The following PTPN12 variants were observed in gnomAD, a reference collection of about 807,000 sequenced individuals.
PTPN12 encodes the protein protein tyrosine phosphatase non-receptor type 12, also known as tyrosine-protein phosphatase non-receptor type 12.
Under a neutral mutation model 97.6 loss-of-function variants are expected in PTPN12, and 29 were observed. That is an observed-to-expected ratio of 0.30 (90% CI 0.22 to 0.41). The LOEUF (loss-of-function observed/expected upper bound fraction) is 0.41. Among genes scored for constraint, PTPN12 ranks in the 10% least tolerant of loss-of-function variants. PTPN12 has a pLI of 1.00. For missense variants in PTPN12, 819 were observed against 926.0 expected (o/e 0.88, Z 1.50); for synonymous variants, 327 against 300.4 (o/e 1.09, Z -0.91).
chr7:77,576,696 C>CA lies in PTPN12; in HGVS notation c.209-4721dup, dbSNP rs374490316. Reference sequence around the variant, plus strand: ...TGGGTGACAGAGCCAGACACTGTCTCAAAAAAAAAAGAGCACCAATGAAGA... The same window carrying CA: ...TGGGTGACAGAGCCAGACACTGTCTCAAAAAAAAAAAGAGCACCAATGAAGA... On this transcript the variant is annotated intron_variant, in intron 2 of 17. Coordinates refer to ENST00000248594, the MANE Select transcript of PTPN12 (RefSeq NM_002835.4). 3.4e-4 allele frequency among the ~76,000 whole-genome samples: 50 copies of CA among 147,190 alleles called. 1 individual carries two copies. The highest frequency in any genetic ancestry group is 1.9e-3 in the South Asian group (9 of 4,664).
Position 77,618,536 on chromosome 7 carries a change from T to G in PTPN12, c.996T>G (p.Ser332=). 1 of 1,608,952 alleles carries G rather than the reference T, an allele frequency of 6.2e-7. No individual in the cohort carries two copies. Among genetic ancestry groups the G allele is most frequent in the Non-Finnish European group, 8.5e-7 (1 of 1,176,042 alleles). The change falls in exon 12 of 18, where the codon TCT becomes TCG. Residue 332 remains serine (S), a synonymous_variant. Coordinates refer to ENST00000248594, the MANE Select transcript of PTPN12 (RefSeq NM_002835.4). ...VSSIEPEKQD[S]PPPKPPRTRS... The stretch of plus-strand genomic sequence containing the variant: ...CCATAGAGCCTGAAAAACAAGATTC[T>G]CCTCCTCCAAAACCACCAAGGACCC...
chr7:77,622,728 G>GC (rs1365783211), intron 12 of PTPN12, among the ~76,000 whole-genome samples: 1 of 151,846 alleles, frequency 6.6e-6, no homozygotes, highest in East Asian at 1.9e-4. Flanking sequence ...TCGAGATCGC[G>GC]CCACTGCTCT....
At chr7:77,572,358 T>A (rs1787173039) in intron 2 of PTPN12, among the ~76,000 whole-genome samples, 1 of 152,234 alleles carries the variant, frequency 6.6e-6, no homozygotes, top group Non-Finnish European at 1.5e-5. Context: ...CTTTTTTTAC[T>A]GTTTATTCTA....
intron 8 of PTPN12, among the ~76,000 whole-genome samples, chr7:77,603,349 G>A (rs1170762839): frequency 6.6e-6 from 1 of 152,130 alleles, no homozygotes; most frequent in Non-Finnish European, 1.5e-5. Context: ...AAAACAGTAC[G>A]TTAACTGTAA....
intron 14 of PTPN12, among the ~76,000 whole-genome samples, chr7:77,634,601 G>A (rs532324051): frequency 6.6e-6 from 1 of 151,738 alleles, no homozygotes; most frequent in African/African-American, 2.4e-5. Context: ...CACCACACCC[G>A]GCTTATTTTT....
chr7:77,579,651 T>C (rs981745139), intron 2 of PTPN12, among the ~76,000 whole-genome samples: 2 of 152,212 alleles, frequency 1.3e-5, no homozygotes, highest in Admixed American at 6.5e-5. Context: ...AAATTAGTTC[T>C]AAATAAAAAG....
intron 13 of PTPN12, among the ~76,000 whole-genome samples, chr7:77,631,616 C>T (rs1280926263): frequency 2.6e-5 from 4 of 152,138 alleles, no homozygotes; most frequent in Non-Finnish European, 5.9e-5. Context: ...TAAAGCTAAC[C>T]AATGAGGCTT....
At chr7:77,591,358 A>T (rs1329149147) in intron 5 of PTPN12, among the ~76,000 whole-genome samples, 4 of 152,236 alleles carry the variant, frequency 2.6e-5, no homozygotes, top group Non-Finnish European at 5.9e-5. Flanking sequence ...TACAAATTGC[A>T]TCATTTCTTA....
intron 16 of PTPN12, 107 bp from the exon 17 acceptor site, chr7:77,638,517 G>T: frequency 7.5e-7 from 1 of 1,330,428 alleles, no homozygotes; most frequent in Non-Finnish European, 9.7e-7. Context: ...GCCCAGGAGA[G>T]AAAGTTTTCT....
At chr7:77,570,701 T>C (rs930189017) in intron 1 of PTPN12, among the ~76,000 whole-genome samples, 11 of 152,248 alleles carry the variant, frequency 7.2e-5, no homozygotes, top group Non-Finnish European at 1.3e-4. Context: ...GCTCATGGTT[T>C]ATTGAGAGAA....
At chr7:77,621,579 G>T (rs1488515528) in intron 12 of PTPN12, among the ~76,000 whole-genome samples, 1 of 151,950 alleles carries the variant, frequency 6.6e-6, no homozygotes, top group Non-Finnish European at 1.5e-5. Context: ...TAAGGCAAAA[G>T]AATTGCTTGA....
At chr7:77,564,746 G>GTTTTGTTTTTT (rs1808164926) in intron 1 of PTPN12, among the ~76,000 whole-genome samples, 1 of 45,370 alleles carries the variant, frequency 2.2e-5, no homozygotes, top group Non-Finnish European at 3.8e-5. Flanking sequence ...TTGTTGTCGT[G>GTTTTGTTTTTT]TTTTTTTTTT....
chr7:77,636,955 G>A, intron 15 of PTPN12, 63 bp from the exon 16 acceptor site: 1 of 1,319,608 alleles, frequency 7.6e-7, no homozygotes, highest in Non-Finnish European at 1.1e-6. Context: ...AACAGACCCA[G>A]CTTTCTATTA....
Position 77,626,723 on chromosome 7 carries a change from T to C in PTPN12, c.1044T>C (p.Asp348=), listed in dbSNP as rs1248105731. 1 of 1,600,538 alleles carries C rather than the reference T, an allele frequency of 6.2e-7. No homozygotes were observed. ...PRTRSCLVEG[D]AKEEILQPPE... ...TTTTCAGTTGCCTTGTTGAAGGGGATGCTAAAGAAGAAATACTGCAGCCAC... is the reference window on the plus strand; with the variant it reads ...TTTTCAGTTGCCTTGTTGAAGGGGACGCTAAAGAAGAAATACTGCAGCCAC... The change falls in exon 13 of 18, where the codon GAT becomes GAC. Residue 348 remains aspartate, a synonymous_variant. Coordinates refer to ENST00000248594, the MANE Select transcript of PTPN12 (RefSeq NM_002835.4).
intron 2 of PTPN12, among the ~76,000 whole-genome samples, chr7:77,574,925 G>C (rs953841096): frequency 6.6e-6 from 1 of 151,446 alleles, no homozygotes. Flanking sequence ...TCTATCTCCC[G>C]GGTTTAAGCA....
chr7:77,637,293 G>C (rs1789628752), intron 16 of PTPN12, among the ~76,000 whole-genome samples: 1 of 152,120 alleles, frequency 6.6e-6, no homozygotes, highest in African/African-American at 2.4e-5. Context: ...TAATGGGAAA[G>C]AGATTTTTTA....
intron 2 of PTPN12, among the ~76,000 whole-genome samples, chr7:77,575,339 ACG>A (rs34200820): frequency 6.6e-6 from 1 of 151,990 alleles, no homozygotes; most frequent in African/African-American, 2.4e-5. Flanking sequence ...GCACGCACGC[ACG>A]CACACACACA....
intron 11 of PTPN12, among the ~76,000 whole-genome samples, chr7:77,613,683 C>G (rs995000449): frequency 6.6e-6 from 1 of 151,830 alleles, no homozygotes; most frequent in African/African-American, 2.4e-5. Context: ...GGCAAAACCC[C>G]GTCTCTACCA....
intron 8 of PTPN12, among the ~76,000 whole-genome samples, chr7:77,603,998 C>T (rs1290383470): frequency 9.6e-5 from 14 of 145,758 alleles, no homozygotes; most frequent in African/African-American, 3.6e-4. Flanking sequence ...ATGCGATTCT[C>T]CTGCCTCAGC....
Sources: gnomAD v4.1 joint callset for allele counts (sites outside exome capture counted in the v4.1 genomes callset) on GRCh38, gnomAD v4.1.1 for gene constraint, MANE v1.5 for transcripts, NCBI Gene and HGNC (gene_info 2026-07-23, HGNC 2026-07-21) for gene names.